The following CEP162 variants were observed in gnomAD, a reference collection of about 807,000 sequenced individuals.
CEP162 encodes centrosomal protein 162.
CEP162 carries 141 observed loss-of-function variants against 169.2 expected under a neutral mutation model. That is an observed-to-expected ratio of 0.83 (90% confidence interval 0.73 to 0.96). The LOEUF (loss-of-function observed/expected upper bound fraction) is 0.96. Ranked by LOEUF, CEP162 falls within the 40% of genes least tolerant of loss-of-function variation. The pLI, the probability that CEP162 is intolerant of heterozygous loss-of-function variation, is 0.00. For synonymous variants in CEP162, 540 were observed against 526.4 expected (o/e 1.03, Z -0.35); for missense variants, 1,600 against 1,587.2 (o/e 1.01, Z -0.14).
At chr6:84,142,034 C>T (rs1361382390) in intron 25 of CEP162, among the ~76,000 whole-genome samples, 1 of 152,102 alleles carries the variant, frequency 6.6e-6, no homozygotes, top group Non-Finnish European at 1.5e-5. Flanking sequence ...AAGGAGTTAA[C>T]TAAAACAACC....
intron 25 of CEP162, among the ~76,000 whole-genome samples, chr6:84,131,153 A>C (rs2099511212): frequency 6.6e-6 from 1 of 152,162 alleles, no homozygotes; most frequent in Non-Finnish European, 1.5e-5. Context: ...GTTTCCATGT[A>C]GTTGTGCAGT....
chr6:84,174,262 A>G (rs2099531382), intron 15 of CEP162, 74 bp from the exon 16 acceptor site: 3 of 1,201,558 alleles, frequency 2.5e-6, no homozygotes, highest in Admixed American at 5.0e-5. Context: ...GAATAACAGG[A>G]AACTCCTATT....
At chr6:84,145,268 G>T (rs1204895791) in intron 25 of CEP162, among the ~76,000 whole-genome samples, 1 of 152,062 alleles carries the variant, frequency 6.6e-6, no homozygotes, top group Non-Finnish European at 1.5e-5. Flanking sequence ...AAAATCTGAT[G>T]GCAAGCCTTT....
chr6:84,215,563 A>T, intron 4 of CEP162, 98 bp from the exon 5 acceptor site: 1 of 1,209,964 alleles, frequency 8.3e-7, no homozygotes. Flanking sequence ...AAATTTTAAA[A>T]ATTTTACAAA....
chr6:84,226,818 T>C (rs2099555907), intron 1 of CEP162, among the ~76,000 whole-genome samples: 1 of 152,218 alleles, frequency 6.6e-6, no homozygotes, highest in South Asian at 2.1e-4. Flanking sequence ...TCCAAAGGAC[T>C]GTTTCTTTCT....
At chr6:84,162,299 G>A (rs971472135) in intron 19 of CEP162, among the ~76,000 whole-genome samples, 2 of 152,100 alleles carry the variant, frequency 1.3e-5, no homozygotes, top group African/African-American at 4.8e-5. Flanking sequence ...AAACATTCAG[G>A]AGTGCTTATT....
In CEP162 at chr6:84,131,123, C is replaced by T. The variant is rs535166467; in HGVS notation, c.3871-4611G>A. ...TTCATTTCATTATTTATCCAGTAGT[C>T]CTTCAGGAGCAGTGGTTCAGTTTCC... is the stretch of plus-strand genomic sequence containing the variant. On this transcript the variant is annotated intron_variant, in intron 25 of 26. Coordinates refer to ENST00000403245, the MANE Select transcript of CEP162 (RefSeq NM_014895.4). 3.3e-5 allele frequency among the ~76,000 whole-genome samples: 5 copies of T among 152,264 alleles called. No individual in the cohort carries two copies. In the South Asian group the frequency reaches 8.3e-4, roughly 25 times the overall value.
Position 84,155,456 on chromosome 6 carries a change from A to G in CEP162, c.2836T>C (p.Leu946=). The G allele has an allele frequency of 6.2e-7, 1 of 1,613,302 alleles. No homozygotes were observed. Among genetic ancestry groups the G allele is most frequent in the Non-Finnish European group, 8.5e-7 (1 of 1,179,436 alleles). Residue 946 remains leucine (L), a synonymous_variant, in exon 22 of 27, where the codon TTA becomes CTA. Coordinates refer to ENST00000403245, the MANE Select transcript of CEP162 (RefSeq NM_014895.4). ...CCAGCTGCTGATGCAGCCAATATTA[A>G]AGCAGGTAAAGAATTGGGATATCTT... The part of the protein sequence containing the change: ...KRRYPNSLPA[L]ILAASAAGDT...
intron 9 of CEP162, among the ~76,000 whole-genome samples, chr6:84,200,578 T>C (rs1219977864): frequency 2.0e-5 from 3 of 152,234 alleles, no homozygotes; most frequent in African/African-American, 7.2e-5. Context: ...AACAAATATT[T>C]ATTTAAAACC....
chr6:84,212,241 A>C (rs908405802), intron 6 of CEP162, among the ~76,000 whole-genome samples: 1 of 152,184 alleles, frequency 6.6e-6, no homozygotes, highest in African/African-American at 2.4e-5. Flanking sequence ...AATACAAAGC[A>C]CTGGGAATGG....
At chr6:84,139,246 T>C (rs1256053903) in intron 25 of CEP162, among the ~76,000 whole-genome samples, 9 of 152,222 alleles carry the variant, frequency 5.9e-5, no homozygotes, top group Admixed American at 2.0e-4. Context: ...ATGAGTTTCC[T>C]ACCATATATT....
chr6:84,130,443 TCTCTGTAC>T (rs2129184326), intron 25 of CEP162, among the ~76,000 whole-genome samples: 1 of 152,350 alleles, frequency 6.6e-6, no homozygotes, highest in Non-Finnish European at 1.5e-5. Context: ...TACCAGCTCC[TCTCTGTAC>T]CTCTGGTAGA....
intron 13 of CEP162, among the ~76,000 whole-genome samples, chr6:84,184,685 C>T (rs1251174353): frequency 6.6e-6 from 1 of 151,990 alleles, no homozygotes; most frequent in Admixed American, 6.6e-5. Flanking sequence ...GGTCTCAGGC[C>T]TTGGCTTGCT....
At chr6:84,126,161 C>CT in intron 26 of CEP162, among the ~76,000 whole-genome samples, 1 of 151,912 alleles carries the variant, frequency 6.6e-6, no homozygotes, top group Admixed American at 6.6e-5. Flanking sequence ...CAAGTTTTTG[C>CT]TTTTTTTCCA....
chr6:84,193,261 G>T (rs2099540670), intron 11 of CEP162, among the ~76,000 whole-genome samples: 2 of 152,078 alleles, frequency 1.3e-5, no homozygotes, highest in Admixed American at 1.3e-4. Flanking sequence ...AAAACTAACT[G>T]GTTTATAAAG....
At position 84,200,818 on chromosome 6, in the gene CEP162, T is replaced by C; in HGVS notation, c.806A>G (p.Glu269Gly). 1.2e-6 allele frequency: 2 copies of C among 1,608,272 alleles called. No individual in the cohort carries two copies. The highest frequency in any genetic ancestry group is 1.7e-4 in the Middle Eastern group (1 of 6,050). The change falls in exon 9 of 27, where the codon GAA (glutamate) becomes GGA (glycine). Residue 269 changes from glutamate to glycine, a missense_variant. Glu to Gly is a moderately conservative substitution (Grantham distance 98). Coordinates refer to ENST00000403245, the MANE Select transcript of CEP162 (RefSeq NM_014895.4). ...KITPKPRCLP[E>G]MTENEMTGTG... is the part of the protein sequence containing the mutation. ...TCCTGTCATTTCATTCTCAGTCATT[T>C]CTGGTAGGCACCTTGGCTTAGGTGT...
intron 6 of CEP162, among the ~76,000 whole-genome samples, chr6:84,212,449 C>G (rs1473233496): frequency 6.6e-6 from 1 of 151,784 alleles, no homozygotes; most frequent in Non-Finnish European, 1.5e-5. Flanking sequence ...CATATAAATA[C>G]AGTGATATAA....
At chr6:84,194,846 A>C in intron 10 of CEP162, 38 bp downstream of exon 10, 4 of 1,354,012 alleles carry the variant, frequency 3.0e-6, no homozygotes, top group Non-Finnish European at 4.2e-6. Flanking sequence ...TTTAGAAAGG[A>C]TATCAAATAA....
chr6:84,149,619 T>G lies in CEP162; in HGVS notation c.3714A>C (p.Ala1238=). The G allele has an allele frequency of 6.2e-7, 1 of 1,606,088 alleles. No homozygotes were observed. ...CTACTTTGGAAGAAGAATTTTCTACTGCATTTTGGCAAAGGAGTTTCTCTA... is the reference window on the plus strand; with the variant it reads ...CTACTTTGGAAGAAGAATTTTCTACGGCATTTTGGCAAAGGAGTTTCTCTA... ...REIEKLLCQN[A]VENSSSKVAE... The change falls in exon 24 of 27, where the codon GCA becomes GCC. Residue 1238 remains alanine (A), a synonymous_variant. Transcript: ENST00000403245.
Sources: gnomAD v4.1 joint callset for allele counts (sites outside exome capture counted in the v4.1 genomes callset) on GRCh38, gnomAD v4.1.1 for gene constraint, MANE v1.5 for transcripts, NCBI Gene and HGNC (gene_info 2026-07-23, HGNC 2026-07-21) for gene names.